The following BCL2 variants were observed in gnomAD, a reference collection of about 807,000 sequenced individuals.
The protein encoded by BCL2 is apoptosis regulator Bcl-2.
BCL2 carries 1 observed loss-of-function variant against 14.2 expected under a neutral mutation model. That is an observed-to-expected ratio of 0.07 (90% CI 0.02 to 0.33). The LOEUF is 0.33. Among genes scored for constraint, BCL2 ranks in the 10% least tolerant of loss-of-function variants. The probability of loss-of-function intolerance (pLI) is 0.99; values close to 1 mark genes in which losing one functional copy is unlikely to be tolerated. For synonymous variants in BCL2, 151 were observed against 137.2 expected (o/e 1.10, Z -0.70); for missense variants, 247 against 305.9 (o/e 0.81, Z 1.44).
intron 2 of BCL2, among the ~76,000 whole-genome samples, chr18:63,212,270 G>C (rs1032685055): frequency 1.3e-5 from 2 of 151,706 alleles, no homozygotes; most frequent in African/African-American, 4.8e-5. Context: ...AGAGGTTGCA[G>C]TGAGCCAAGA....
At chr18:63,133,125 C>G (rs897857224) in intron 2 of BCL2, among the ~76,000 whole-genome samples, 2 of 152,146 alleles carry the variant, frequency 1.3e-5, no homozygotes, top group African/African-American at 4.8e-5. Context: ...CCCAAGGGGA[C>G]AGGATGGCTA....
chr18:63,196,206 C>G (rs1333828350), intron 2 of BCL2, among the ~76,000 whole-genome samples: 4 of 151,990 alleles, frequency 2.6e-5, no homozygotes, highest in Non-Finnish European at 5.9e-5. Flanking sequence ...GTTCAATGAA[C>G]CACAAAGAAT....
At position 63,287,330 on chromosome 18, in the gene BCL2, G is replaced by C. The variant is rs75516564; in HGVS notation, c.585+30752C>G. ...CTTGGAGAAACTAAGTGTTTCTCAA[G>C]GTGCTCAACAGAGATGTTTTAGGAA... On this transcript the variant is annotated intron_variant, in intron 2 of 2. Coordinates refer to ENST00000333681, the MANE Select transcript of BCL2 (RefSeq NM_000633.3). Among the ~76,000 whole-genome samples, 175 of 152,286 alleles carry C rather than the reference G, an allele frequency of 1.1e-3. 2 individuals are homozygous for C. Among genetic ancestry groups the C allele is most frequent in the African/African-American group, 3.8e-3 (157 of 41,558 alleles).
chr18:63,311,343 T>A (rs1885361241), intron 2 of BCL2, among the ~76,000 whole-genome samples: 1 of 152,220 alleles, frequency 6.6e-6, no homozygotes, highest in Admixed American at 6.5e-5. Context: ...GCAACACTGA[T>A]CCTTTGTTTG....
chr18:63,243,654 C>T lies in BCL2; in HGVS notation c.585+74428G>A, dbSNP rs906031501. Among the ~76,000 whole-genome samples, 7 of 152,252 alleles carry T rather than the reference C, an allele frequency of 4.6e-5. No homozygotes were observed. The East Asian group carries it at 5.8e-4, about 13-fold the overall frequency. ...TCATAATTCTCTCCTGCTCCCACTC[C>T]GGGAAATCGAGCATGGGAATCTATG... On this transcript the variant is annotated intron_variant, in intron 2 of 2. Transcript: ENST00000333681.
chr18:63,255,094 A>G (rs1911433157), intron 2 of BCL2, among the ~76,000 whole-genome samples: 1 of 152,236 alleles, frequency 6.6e-6, no homozygotes. Context: ...AGGATGAAAG[A>G]CAACGGAAAG....
At chr18:63,236,830 A>G (rs1910848311) in intron 2 of BCL2, among the ~76,000 whole-genome samples, 1 of 152,142 alleles carries the variant, frequency 6.6e-6, no homozygotes, top group Non-Finnish European at 1.5e-5. Context: ...TAGCTCTGAG[A>G]TCTTGTCCGG....
In BCL2 at chr18:63,158,755, G is replaced by A. The variant is rs182425055; in HGVS notation, c.586-29996C>T. On this transcript the variant is annotated intron_variant, in intron 2 of 2. Transcript: ENST00000333681. ...CAAAATGCCAAGAGAAATTTATAGC[G>A]CCGCCTGTCTGCCCACCATTTAGGC... Among the ~76,000 whole-genome samples the A allele has an allele frequency of 1.0e-3, 159 of 152,202 alleles. 1 individual carries two copies. In the East Asian group the frequency reaches 0.029, roughly 27 times the overall value.
rs573393694 is a variant in BCL2, at chr18:63,128,808, G to A, written c.586-49C>T. ...AGAAAAAGAAAGAGTATTAGAGAGA[G>A]AGCAGAGAATGCCACCCCACAGAGA... On this transcript the variant is annotated intron_variant, in intron 2 of 2. Transcript: ENST00000333681. The A allele has an allele frequency of 3.8e-5, 28 of 735,606 alleles. No homozygotes were observed. In the South Asian group the frequency reaches 3.9e-4, roughly 10 times the overall value. The allele number at this position is 735,606 out of a possible 1,614,324, so 45.6% of individuals were successfully genotyped here. A position where few individuals can be genotyped will look rare whatever the true frequency, so the allele number is the denominator to read the frequency against.
intron 2 of BCL2, among the ~76,000 whole-genome samples, chr18:63,258,952 C>T (rs1053236222): frequency 6.6e-6 from 1 of 152,212 alleles, no homozygotes; most frequent in Non-Finnish European, 1.5e-5. Context: ...CAATGCCTGA[C>T]AAAGATTTCA....
intron 2 of BCL2, among the ~76,000 whole-genome samples, chr18:63,180,619 C>T (rs1013101378): frequency 6.6e-6 from 1 of 151,378 alleles, no homozygotes; most frequent in African/African-American, 2.4e-5. Flanking sequence ...CAGCTGAGTA[C>T]TGCCCTTGGT....
At chr18:63,159,379 G>C (rs937754233) in intron 2 of BCL2, among the ~76,000 whole-genome samples, 1 of 152,162 alleles carries the variant, frequency 6.6e-6, no homozygotes, top group African/African-American at 2.4e-5. Flanking sequence ...ACATCACTGC[G>C]TCTGGAGTCT....
At chr18:63,229,026 T>C (rs1337801718) in intron 2 of BCL2, among the ~76,000 whole-genome samples, 3 of 152,256 alleles carry the variant, frequency 2.0e-5, no homozygotes, top group Non-Finnish European at 4.4e-5. Context: ...CAAAAGCATT[T>C]TGAGGGATAA....
intron 2 of BCL2, among the ~76,000 whole-genome samples, chr18:63,131,613 G>T (rs556277690): frequency 1.1e-4 from 16 of 152,350 alleles, no homozygotes; most frequent in South Asian, 8.3e-4. Context: ...CTCTCTGAGG[G>T]ATGGGTAGGC....
chr18:63,160,255 C>A (rs1022169381), intron 2 of BCL2, among the ~76,000 whole-genome samples: 1 of 152,154 alleles, frequency 6.6e-6, no homozygotes, highest in Non-Finnish European at 1.5e-5. Flanking sequence ...GAAGATGGTG[C>A]GTGAGCCTGC....
chr18:63,275,614 G>A (rs558879238), intron 2 of BCL2, among the ~76,000 whole-genome samples: 1 of 152,352 alleles, frequency 6.6e-6, no homozygotes, highest in South Asian at 2.1e-4. Context: ...ACTTGCTTAA[G>A]TAGTTTCATA....
intron 2 of BCL2, among the ~76,000 whole-genome samples, chr18:63,270,752 G>A (rs1303952486): frequency 1.3e-5 from 2 of 152,042 alleles, no homozygotes; most frequent in Non-Finnish European, 2.9e-5. Flanking sequence ...TAACAAATTT[G>A]ACTAATAAAT....
At chr18:63,201,285 G>C (rs1909682678) in intron 2 of BCL2, among the ~76,000 whole-genome samples, 1 of 152,106 alleles carries the variant, frequency 6.6e-6, no homozygotes, top group Non-Finnish European at 1.5e-5. Context: ...CTGTAAGATG[G>C]CCAAAATGTC....
At chr18:63,223,139 C>T (rs1267026780) in intron 2 of BCL2, among the ~76,000 whole-genome samples, 1 of 152,136 alleles carries the variant, frequency 6.6e-6, no homozygotes, top group Non-Finnish European at 1.5e-5. Flanking sequence ...TGGTGGCTCA[C>T]GCCTGTAATC....
Sources: allele counts gnomAD v4.1 joint callset (sites outside exome capture counted in the v4.1 genomes callset), GRCh38; gene constraint gnomAD v4.1.1; transcripts MANE v1.5; gene names NCBI Gene and HGNC (gene_info 2026-07-23, HGNC 2026-07-21).